MYO5B: variants seen among roughly 807,000 people sequenced by gnomAD.
MYO5B encodes the protein unconventional myosin-Vb.
A neutral mutation model predicts 229.3 loss-of-function variants in MYO5B; 143 were observed. The observed-to-expected ratio is 0.62, with a 90% confidence interval of 0.54 to 0.72. MYO5B has a LOEUF of 0.72. MYO5B is among the 30% of genes least tolerant of loss of function. MYO5B has a pLI of 0.00. For synonymous variants in MYO5B, 918 were observed against 885.2 expected (o/e 1.04, Z -0.66); for missense variants, 2,321 against 2,331.0 (o/e 1.00, Z 0.09).
intron 26 of MYO5B, 104 bp downstream of exon 26, chr18:49,875,583 A>G: frequency 1.3e-6 from 2 of 1,500,144 alleles, no homozygotes; most frequent in Admixed American, 1.7e-5. Flanking sequence ...ACTTAGCAGG[A>G]GCACAATCCC....
At chr18:50,063,545 C>G (rs2030742287) in intron 1 of MYO5B, among the ~76,000 whole-genome samples, 1 of 152,002 alleles carries the variant, frequency 6.6e-6, no homozygotes, top group African/African-American at 2.4e-5. Context: ...ACGGGGACAG[C>G]AGAGAGCCAC....
intron 17 of MYO5B, among the ~76,000 whole-genome samples, chr18:49,920,310 C>A (rs1177606324): frequency 6.6e-6 from 1 of 152,078 alleles, no homozygotes; most frequent in Non-Finnish European, 1.5e-5. Flanking sequence ...TAAATTATAT[C>A]TAAATTTTGA....
intron 15 of MYO5B, 69 bp downstream of exon 15, chr18:49,937,174 CCA>C: frequency 6.4e-7 from 1 of 1,567,384 alleles, no homozygotes; most frequent in Non-Finnish European, 8.8e-7. Context: ...CACCCTGCCG[CCA>C]TCCTTCATCT....
At chr18:50,166,995 A>G (rs1052908839) in intron 1 of MYO5B, among the ~76,000 whole-genome samples, 1 of 152,234 alleles carries the variant, frequency 6.6e-6, no homozygotes, top group East Asian at 1.9e-4. Context: ...TGAATATAAA[A>G]GACGCCTGGA....
intron 1 of MYO5B, among the ~76,000 whole-genome samples, chr18:50,163,719 G>C (rs1413162431): frequency 6.6e-6 from 1 of 152,194 alleles, no homozygotes; most frequent in Non-Finnish European, 1.5e-5. Flanking sequence ...ATTCAGCAGA[G>C]ACCAGCTGCT....
chr18:50,036,564 G>A (rs1215590807), intron 4 of MYO5B, among the ~76,000 whole-genome samples: 1 of 152,138 alleles, frequency 6.6e-6, no homozygotes, highest in Non-Finnish European at 1.5e-5. Context: ...GGGCCAAAAG[G>A]AAGTCAAAGA....
chr18:49,965,535 A>G (rs2025615453), intron 10 of MYO5B, among the ~76,000 whole-genome samples: 1 of 151,828 alleles, frequency 6.6e-6, no homozygotes, highest in South Asian at 2.1e-4. Context: ...CAGTGGCCCC[A>G]CTAATGAGAG....
At chr18:50,182,137 G>T (rs1377423255) in intron 1 of MYO5B, among the ~76,000 whole-genome samples, 1 of 152,196 alleles carries the variant, frequency 6.6e-6, no homozygotes, top group African/African-American at 2.4e-5. Context: ...TTTGTTGCCT[G>T]CGTGATGAAT....
chr18:50,090,502 T>C (rs2031425603), intron 1 of MYO5B, among the ~76,000 whole-genome samples: 1 of 152,118 alleles, frequency 6.6e-6, no homozygotes, highest in Non-Finnish European at 1.5e-5. Context: ...GTCACCACAC[T>C]CATCAACTAA....
At chr18:49,872,524 GCCCC>G (rs111437243) in intron 26 of MYO5B, among the ~76,000 whole-genome samples, 1 of 151,656 alleles carries the variant, frequency 6.6e-6, no homozygotes, top group Non-Finnish European at 1.5e-5. Context: ...CTTGAATTTT[GCCCC>G]CCCAAATGAT....
chr18:50,159,816 C>T (rs1020482993), intron 1 of MYO5B, among the ~76,000 whole-genome samples: 3 of 152,318 alleles, frequency 2.0e-5, no homozygotes, highest in East Asian at 1.9e-4. Flanking sequence ...AGCACCCCCA[C>T]GCCACTGATA....
chr18:49,953,735 T>C (rs1182067257), intron 13 of MYO5B, among the ~76,000 whole-genome samples: 2 of 152,168 alleles, frequency 1.3e-5, no homozygotes, highest in Non-Finnish European at 2.9e-5. Flanking sequence ...AAAAATTCTA[T>C]GCACCCACCA....
chr18:50,118,538 TTTA>T (rs2032004170), intron 1 of MYO5B, among the ~76,000 whole-genome samples: 1 of 152,206 alleles, frequency 6.6e-6, no homozygotes. Context: ...CATTTCTTTT[TTTA>T]TTATTATTAT....
chr18:50,146,906 G>A (rs561353619), intron 1 of MYO5B, among the ~76,000 whole-genome samples: 26 of 152,232 alleles, frequency 1.7e-4, no homozygotes, highest in Middle Eastern at 3.4e-3. Flanking sequence ...GAAAGGGCAG[G>A]CTTTTCGTAT....
At chr18:49,876,516 T>C in intron 25 of MYO5B, among the ~76,000 whole-genome samples, 1 of 152,362 alleles carries the variant, frequency 6.6e-6, no homozygotes. Context: ...TATAATTTGG[T>C]TCCACCAGGA....
intron 1 of MYO5B, among the ~76,000 whole-genome samples, chr18:50,173,482 T>A (rs2032948607): frequency 1.3e-5 from 2 of 152,242 alleles, no homozygotes; most frequent in Admixed American, 6.5e-5. Flanking sequence ...GTTACATTGA[T>A]CTGGCTGCTG....
chr18:50,003,874 C>T (rs2026073234), intron 4 of MYO5B, among the ~76,000 whole-genome samples: 1 of 152,138 alleles, frequency 6.6e-6, no homozygotes, highest in South Asian at 2.1e-4. Flanking sequence ...GGGGAAGCAA[C>T]ACACAGATGT....
At chr18:49,954,006 ATG>A (rs1279356058) in intron 13 of MYO5B, among the ~76,000 whole-genome samples, 2 of 137,026 alleles carry the variant, frequency 1.5e-5, no homozygotes, top group Non-Finnish European at 3.1e-5. Context: ...ACAGACATAT[ATG>A]TGTGTATGTA....
chr18:49,827,560 C>T (rs1037654293), intron 39 of MYO5B, among the ~76,000 whole-genome samples: 8 of 152,066 alleles, frequency 5.3e-5, no homozygotes, highest in East Asian at 1.9e-4. Context: ...GAAGTTTAAC[C>T]GCAGACTTGA....
Sources: gnomAD v4.1 joint callset for allele counts (sites outside exome capture counted in the v4.1 genomes callset) on GRCh38, gnomAD v4.1.1 for gene constraint, MANE v1.5 for transcripts, NCBI Gene and HGNC (gene_info 2026-07-23, HGNC 2026-07-21) for gene names.